The following ABL1 variants were observed in gnomAD, a reference collection of about 807,000 sequenced individuals.
ABL1 encodes the protein ABL proto-oncogene 1, non-receptor tyrosine kinase, also known as tyrosine-protein kinase ABL1.
ABL1 carries 11 observed loss-of-function variants against 94.7 expected under a neutral mutation model. That is an observed-to-expected ratio of 0.12 (90% CI 0.07 to 0.19). The LOEUF is 0.19. Among genes scored for constraint, ABL1 ranks in the 10% least tolerant of loss-of-function variants. The probability of loss-of-function intolerance (pLI) is 1.00; values close to 1 mark genes in which losing one functional copy is unlikely to be tolerated. For missense variants in ABL1, 1,082 were observed against 1,489.4 expected (o/e 0.73, Z 4.50); for synonymous variants, 656 against 622.4 (o/e 1.05, Z -0.80).
At chr9:130,875,107 T>C (rs1831318482) in intron 7 of ABL1, 55 bp downstream of exon 7, 12 of 1,529,962 alleles carry the variant, frequency 7.8e-6, no homozygotes, top group Non-Finnish European at 1.1e-5. Flanking sequence ...AGGGTTTTTT[T>C]CTGCCTCTTT....
intron 4 of ABL1, among the ~76,000 whole-genome samples, chr9:130,871,255 A>G (rs1310852472): frequency 6.6e-6 from 1 of 152,154 alleles, no homozygotes; most frequent in African/African-American, 2.4e-5. Flanking sequence ...TTTTAAGTCA[A>G]AAAGAGGCTT....
rs148777384 is a variant in ABL1 at position 130,721,745 on chromosome 9, T to C, written c.136+7290T>C. ...AAAATAAAATTATACTAAGTATCTG[T>C]ATACATTAGAAGGTGGGAGGAAGTG... On this transcript the variant is annotated intron_variant, in intron 1 of 10. Transcript: ENST00000372348. Among the ~76,000 whole-genome samples the C allele has an allele frequency of 3.3e-5, 5 of 151,530 alleles. No homozygotes were observed. In the East Asian group the frequency reaches 9.7e-4, roughly 29 times the overall value.
In ABL1 at chr9:130,862,718, C is replaced by T. The variant is rs766685037; in HGVS notation, c.550-45C>T. On this transcript the variant is annotated intron_variant, in intron 3 of 10. Transcript: ENST00000318560. This position sits in a 1 kb window ranked among gnomAD's most constrained non-coding sequence, Gnocchi z 5.5. ...AACTGGCTCACGTGAGCTCTTTGAG[C>T]TTGCCTGTCTCTGTGGGCTGAAGGC... 3.8e-6 allele frequency: 6 copies of T among 1,591,702 alleles called. No homozygotes were observed. The highest frequency in any genetic ancestry group is 4.3e-6 in the Non-Finnish European group (5 of 1,169,854).
rs1831583404 is a variant in ABL1 at position 130,886,308 on chromosome 9, T to G, written c.*625T>G. On this transcript the variant is annotated 3_prime_UTR_variant, in exon 11 of 11. Transcript: ENST00000318560. ...CCTCACGTGCAGGACAGCTCTTGAT[T>G]TGGGTGGAAAACAGGGTGCTAAAGC... is the stretch of plus-strand genomic sequence containing the variant. The G allele has an allele frequency of 4.3e-6, 1 of 234,424 alleles. No individual in the cohort carries two copies. The highest frequency in any genetic ancestry group is 1.8e-4 in the South Asian group (1 of 5,556). 14.5% of individuals were successfully genotyped at this position (234,424 alleles called of 1,614,324 possible). A position where few individuals can be genotyped will look rare whatever the true frequency, so the allele number is the denominator to read the frequency against.
At chr9:130,788,942 G>C (rs868029928) in intron 1 of ABL1, among the ~76,000 whole-genome samples, 73 of 152,222 alleles carry the variant, frequency 4.8e-4, no homozygotes, top group African/African-American at 1.6e-3. Flanking sequence ...TTCCTTCATT[G>C]GATAGTTGCT....
upstream of ABL1, among the ~76,000 whole-genome samples, chr9:130,831,260 G>A (rs763332027): frequency 6.6e-6 from 1 of 152,136 alleles, no homozygotes; most frequent in Non-Finnish European, 1.5e-5. Flanking sequence ...CAGGCCTCCT[G>A]TCAGGTTCAT....
intron 1 of ABL1, among the ~76,000 whole-genome samples, chr9:130,769,741 G>A (rs1832230046): frequency 6.6e-6 from 1 of 151,922 alleles, no homozygotes; most frequent in Non-Finnish European, 1.5e-5. Flanking sequence ...CAGTTCTATG[G>A]ACTTTGACAA....
At chr9:130,878,756 T>A (rs1022218234) in intron 8 of ABL1, among the ~76,000 whole-genome samples, 189 bp downstream of exon 8, 3 of 152,228 alleles carry the variant, frequency 2.0e-5, no homozygotes, top group African/African-American at 7.2e-5. Flanking sequence ...TGTGCGTGAC[T>A]TGTCTTTTAA....
At chr9:130,809,439 T>TGCGCGC (rs1483608983) in intron 1 of ABL1, among the ~76,000 whole-genome samples, 30 of 147,726 alleles carry the variant, frequency 2.0e-4, no homozygotes, top group African/African-American at 7.9e-4. Flanking sequence ...TGTGTGTGTG[T>TGCGCGC]GTGTGCACGT....
At chr9:130,883,161 G>A (rs1353240731) in intron 10 of ABL1, among the ~76,000 whole-genome samples, 11 of 152,054 alleles carry the variant, frequency 7.2e-5, no homozygotes, top group African/African-American at 1.2e-4. Context: ...CACGTGTCAC[G>A]CTTCTCTCAA....
intron 1 of ABL1, among the ~76,000 whole-genome samples, chr9:130,840,768 C>T (rs1303654862): frequency 6.6e-6 from 1 of 151,970 alleles, no homozygotes; most frequent in African/African-American, 2.4e-5. Flanking sequence ...ATCCTCCCAC[C>T]TCAGCCTCCC....
chr9:130,816,063 G>GTGCT (rs1830282456), intron 1 of ABL1, among the ~76,000 whole-genome samples: 7 of 152,044 alleles, frequency 4.6e-5, no homozygotes, highest in African/African-American at 1.7e-4. Context: ...AGCCCTGGCA[G>GTGCT]TCACCTGTGA....
intron 1 of ABL1, among the ~76,000 whole-genome samples, chr9:130,851,673 A>G (rs781461781): frequency 9.2e-5 from 14 of 152,056 alleles, no homozygotes; most frequent in Non-Finnish European, 1.8e-4. Flanking sequence ...TCCATAGAGA[A>G]GGAAAACTAA....
intron 1 of ABL1, among the ~76,000 whole-genome samples, chr9:130,763,784 G>A (rs1310870423): frequency 6.6e-6 from 1 of 152,214 alleles, no homozygotes; most frequent in East Asian, 1.9e-4. Flanking sequence ...CTACCCTGCT[G>A]TTCTGCAGTA....
intron 2 of ABL1, 70 bp from the exon 3 acceptor site, chr9:130,854,731 A>C: frequency 6.7e-7 from 1 of 1,492,520 alleles, no homozygotes; most frequent in South Asian, 1.3e-5. Flanking sequence ...GTAGTTACAC[A>C]AGAATCAATG....
At chr9:130,794,167 G>T (rs1165834621) in intron 1 of ABL1, among the ~76,000 whole-genome samples, 1 of 152,102 alleles carries the variant, frequency 6.6e-6, no homozygotes, top group African/African-American at 2.4e-5. Flanking sequence ...TGGAAAAATT[G>T]TCTTCCACAA....
At chr9:130,724,995 C>G (rs971651013) in intron 1 of ABL1, 6 of 302,912 alleles carry the variant, frequency 2.0e-5, no homozygotes, top group Non-Finnish European at 4.1e-5. Context: ...ACAGTGGCCG[C>G]ACAACGTGTG....
chr9:130,868,238 G>A (rs910657776), intron 4 of ABL1, among the ~76,000 whole-genome samples: 5 of 152,118 alleles, frequency 3.3e-5, no homozygotes, highest in African/African-American at 4.8e-5. Flanking sequence ...GATTACAGGC[G>A]TGAGCCACCA....
At chr9:130,875,277 G>C (rs574955220) in intron 7 of ABL1, among the ~76,000 whole-genome samples, 6 of 152,110 alleles carry the variant, frequency 3.9e-5, no homozygotes, top group Non-Finnish European at 8.8e-5. Flanking sequence ...GAGTAGCTGG[G>C]ATTATAGGCA....
Sources: allele counts gnomAD v4.1 joint callset (sites outside exome capture counted in the v4.1 genomes callset), GRCh38; gene constraint gnomAD v4.1.1; non-coding constraint Gnocchi (gnomAD v3.1); transcripts MANE v1.5; gene names NCBI Gene and HGNC (gene_info 2026-07-23, HGNC 2026-07-21).